The following SH3RF3 variants were observed in gnomAD, a reference collection of about 807,000 sequenced individuals.
The protein encoded by SH3RF3 is SH3 domain containing ring finger 3.
In SH3RF3, 29 loss-of-function variants were observed where a neutral mutation model predicts 66.3. The ratio of observed to expected loss-of-function variants is 0.44; its 90% CI spans 0.33 to 0.60. SH3RF3 has a LOEUF of 0.60. SH3RF3 is among the 20% of genes least tolerant of loss of function. The probability of loss-of-function intolerance (pLI) is 0.04; values close to 1 mark genes in which losing one functional copy is unlikely to be tolerated. For synonymous variants in SH3RF3, 583 were observed against 532.0 expected, an observed-to-expected ratio of 1.10 and a Z score of -1.32; for missense variants, 1,194 against 1,190.9, an observed-to-expected ratio of 1.00 and a Z score of -0.04.
chr2:109,390,869 C>T (rs916564910), intron 3 of SH3RF3, among the ~76,000 whole-genome samples: 3 of 152,132 alleles, frequency 2.0e-5, no homozygotes, highest in South Asian at 2.1e-4. Flanking sequence ...TGGCAGAGGG[C>T]GGCCCCTGAA....
chr2:109,431,932 A>G (rs1677230202), intron 5 of SH3RF3, among the ~76,000 whole-genome samples: 1 of 152,126 alleles, frequency 6.6e-6, no homozygotes, highest in African/African-American at 2.4e-5. Context: ...GTGCAACCAC[A>G]GTTTTCTAAC....
intron 8 of SH3RF3, among the ~76,000 whole-genome samples, chr2:109,467,283 G>A (rs1346850547): frequency 6.6e-6 from 1 of 152,234 alleles, no homozygotes; most frequent in African/African-American, 2.4e-5. Context: ...GCTCAACCCT[G>A]CAAAGGGGCA....
intron 1 of SH3RF3, among the ~76,000 whole-genome samples, chr2:109,305,401 C>A (rs1171765193): frequency 6.6e-6 from 1 of 152,130 alleles, no homozygotes; most frequent in Non-Finnish European, 1.5e-5. Context: ...CAATCAAAGG[C>A]CCCTTCTTAG....
At chr2:109,343,270 C>A (rs952428443) in intron 1 of SH3RF3, among the ~76,000 whole-genome samples, 3 of 152,218 alleles carry the variant, frequency 2.0e-5, no homozygotes, top group African/African-American at 7.2e-5. Context: ...TCTGGAGGTG[C>A]CGGGTGTCAC....
chr2:109,469,325 G>A (rs1355318234), intron 8 of SH3RF3, among the ~76,000 whole-genome samples: 1 of 152,250 alleles, frequency 6.6e-6, no homozygotes, highest in East Asian at 1.9e-4. Flanking sequence ...CCTGGGGTGT[G>A]TGGCATGCGG....
At chr2:109,457,365 T>C (rs1364062796) in intron 8 of SH3RF3, among the ~76,000 whole-genome samples, 1 of 152,264 alleles carries the variant, frequency 6.6e-6, no homozygotes, top group Admixed American at 6.5e-5. Flanking sequence ...TAAACTATTA[T>C]TCAGAAGTAG....
chr2:109,349,878 A>G (rs1017210900), intron 2 of SH3RF3, among the ~76,000 whole-genome samples: 2 of 152,276 alleles, frequency 1.3e-5, no homozygotes, highest in African/African-American at 4.8e-5. Context: ...GCTAGAGCCC[A>G]CTGGACAAGA....
chr2:109,170,759 A>G (rs957418709), intron 1 of SH3RF3, among the ~76,000 whole-genome samples: 19 of 152,238 alleles, frequency 1.2e-4, no homozygotes, highest in Non-Finnish European at 2.8e-4. Context: ...CTGGGGCTCA[A>G]GGGGTGCGGA....
chr2:109,281,117 TG>T (rs1052736123), intron 1 of SH3RF3, among the ~76,000 whole-genome samples: 3 of 152,168 alleles, frequency 2.0e-5, no homozygotes, highest in Admixed American at 6.5e-5. Flanking sequence ...GAGACAGGAA[TG>T]GGCACAGTTG....
intron 7 of SH3RF3, among the ~76,000 whole-genome samples, chr2:109,443,124 T>A (rs1294514052): frequency 5.9e-5 from 9 of 152,276 alleles, no homozygotes; most frequent in Non-Finnish European, 1.3e-4. Context: ...GGTGAAATTG[T>A]GTGTGGCATG....
chr2:109,214,525 A>G (rs1352027480), intron 1 of SH3RF3, among the ~76,000 whole-genome samples: 1 of 152,088 alleles, frequency 6.6e-6, no homozygotes, highest in African/African-American at 2.4e-5. Flanking sequence ...GGCGTAGAAG[A>G]CCTGTGAGAC....
intron 1 of SH3RF3, among the ~76,000 whole-genome samples, chr2:109,145,454 T>C (rs79135519): frequency 0.061 from 9,353 of 152,196 alleles, 764 homozygotes; most frequent in East Asian, 0.34. Context: ...GCCTTCACCA[T>C]TGGTCTGTCT....
rs114794123 is a variant in SH3RF3, at chr2:109,426,421, C to G, written c.1404-6080C>G. ...CATGGATGACTTTGAGTGGTTGGTT[C>G]AAGACTTCAGTGTAGGAAGTCACCG... On this transcript the variant is annotated intron_variant, in intron 5 of 9. Coordinates refer to ENST00000309415, the MANE Select transcript of SH3RF3 (RefSeq NM_001099289.3). Among the ~76,000 whole-genome samples the G allele has an allele frequency of 1.8e-3, 270 of 152,246 alleles. 1 individual carries two copies. Among genetic ancestry groups the G allele is most frequent in the African/African-American group, 6.2e-3 (256 of 41,540 alleles).
intron 3 of SH3RF3, among the ~76,000 whole-genome samples, chr2:109,374,473 C>G (rs1683339326): frequency 6.6e-6 from 1 of 152,188 alleles, no homozygotes; most frequent in Non-Finnish European, 1.5e-5. Context: ...CTGGTTTGGC[C>G]CAAACTGCTT....
chr2:109,134,111 G>A (rs996287166), intron 1 of SH3RF3, among the ~76,000 whole-genome samples: 3 of 152,214 alleles, frequency 2.0e-5, no homozygotes, highest in South Asian at 2.1e-4. Flanking sequence ...TGCATGCTGG[G>A]CACTTTGACA....
intron 3 of SH3RF3, among the ~76,000 whole-genome samples, chr2:109,390,969 G>C (rs1305118404): frequency 6.6e-6 from 1 of 152,208 alleles, no homozygotes; most frequent in Non-Finnish European, 1.5e-5. Flanking sequence ...CTGCAGCTTG[G>C]CCAACTGCCC....
Position 109,399,491 on chromosome 2 carries a change from A to T in SH3RF3, c.1299+548A>T, listed in dbSNP as rs539431592. On this transcript the variant is annotated intron_variant, in intron 4 of 9. Coordinates refer to ENST00000309415, the MANE Select transcript of SH3RF3 (RefSeq NM_001099289.3). Reference sequence around the variant, plus strand: ...TTGAAGTAACCAAAGCAAAGTATTTAAAGGCTGGGCACAGTGGCTCATGCC... The same window carrying T: ...TTGAAGTAACCAAAGCAAAGTATTTTAAGGCTGGGCACAGTGGCTCATGCC... Among the ~76,000 whole-genome samples, 289 of 152,056 alleles carry T rather than the reference A, an allele frequency of 1.9e-3. 1 individual carries two copies. The highest frequency in any genetic ancestry group is 6.5e-3 in the African/African-American group (270 of 41,498).
chr2:109,230,852 A>G (rs370120162), intron 1 of SH3RF3, among the ~76,000 whole-genome samples: 2 of 152,174 alleles, frequency 1.3e-5, no homozygotes, highest in East Asian at 3.9e-4. Flanking sequence ...TAAATCCCCT[A>G]GGAGTTCACT....
intron 1 of SH3RF3, among the ~76,000 whole-genome samples, chr2:109,163,300 G>A (rs1283046297): frequency 2.0e-5 from 3 of 151,368 alleles, no homozygotes; most frequent in South Asian, 2.1e-4. Context: ...GGTGATTACC[G>A]TGTTGAAAGA....
Sources: gnomAD v4.1 joint callset for allele counts (sites outside exome capture counted in the v4.1 genomes callset) on GRCh38, gnomAD v4.1.1 for gene constraint, MANE v1.5 for transcripts, NCBI Gene and HGNC (gene_info 2026-07-23, HGNC 2026-07-21) for gene names.